EDEM3: variants seen among roughly 807,000 people sequenced by gnomAD.
EDEM3 encodes the protein ER degradation-enhancing alpha-mannosidase-like protein 3.
In EDEM3, 60 loss-of-function variants were observed where a neutral mutation model predicts 110.2. The observed-to-expected ratio is 0.54, with a 90% CI of 0.44 to 0.67. The LOEUF is 0.67. Among genes scored for constraint, EDEM3 ranks in the 30% least tolerant of loss-of-function variants. The pLI is 0.00. For missense variants in EDEM3, 996 were observed against 1,121.0 expected, an observed-to-expected ratio of 0.89 and a Z score of 1.59; for synonymous variants, 352 against 382.9, an observed-to-expected ratio of 0.92 and a Z score of 0.94.
chr1:184,731,562 G>A (rs1034008309), intron 6 of EDEM3, among the ~76,000 whole-genome samples: 1 of 152,070 alleles, frequency 6.6e-6, no homozygotes, highest in Non-Finnish European at 1.5e-5. Flanking sequence ...TTAAATCTCT[G>A]TGTACTTTAC....
chr1:184,711,853 C>T lies in EDEM3; in HGVS notation c.1561G>A (p.Asp521Asn). Residue 521 changes from aspartate to asparagine, a missense_variant, in exon 15 of 20, where the codon GAC becomes AAC. By Grantham distance (23) the Asp-to-Asn change is conservative. Around this residue, in one of 5 missense-constraint regions of EDEM3, gnomAD observed 138 missense variants for 124.3 expected, o/e 1.11. Transcript: ENST00000318130. The stretch of plus-strand genomic sequence containing the variant: ...GGACAAGTCCAATCGAAGTTACTGT[C>T]ATCCAGTTCTGTATATTCCGAGGTC... ...NTTSEYTELD[D>N]SNFDWTCPNT... 6.2e-7 allele frequency: 1 copy of T among 1,612,426 alleles called. No individual in the cohort carries two copies.
At chr1:184,721,566 C>A (rs2102090001) in intron 8 of EDEM3, among the ~76,000 whole-genome samples, 180 bp from the exon 9 acceptor site, 1 of 152,044 alleles carries the variant, frequency 6.6e-6, no homozygotes, top group East Asian at 1.9e-4. Flanking sequence ...CTAACTAGTT[C>A]ATAGTTTAAT....
chr1:184,754,706 A>G lies in EDEM3; in HGVS notation c.-60T>C. On this transcript the variant is annotated 5_prime_UTR_variant, in exon 1 of 20. Coordinates refer to ENST00000318130, the MANE Select transcript of EDEM3 (RefSeq NM_025191.4). ...CCCGGCCGGTGAGACACATTGCTGG[A>G]CGCTGGTGGCCAGGGGGCTGCTAGC... The G allele has an allele frequency of 3.4e-6, 5 of 1,468,666 alleles. No individual in the cohort carries two copies. Among genetic ancestry groups the G allele is most frequent in the Non-Finnish European group, 4.5e-6 (5 of 1,113,902 alleles). 91.0% of individuals were successfully genotyped at this position (1,468,666 alleles called of 1,614,324 possible). A position where few individuals can be genotyped will look rare whatever the true frequency, so the allele number is the denominator to read the frequency against.
intron 5 of EDEM3, among the ~76,000 whole-genome samples, chr1:184,733,827 CAAA>C (rs541170337): frequency 4.2e-5 from 4 of 96,364 alleles, no homozygotes; most frequent in Admixed American, 1.1e-4. Flanking sequence ...AGTCTGTCTC[CAAA>C]AAAAAAAAAA....
chr1:184,700,757 G>C (rs757299636), intron 19 of EDEM3, among the ~76,000 whole-genome samples: 2 of 151,972 alleles, frequency 1.3e-5, no homozygotes, highest in Non-Finnish European at 2.9e-5. Flanking sequence ...AGACTGTGTA[G>C]CTTCTTAGGA....
At chr1:184,754,458 G>C in intron 1 of EDEM3, 31 bp downstream of exon 1, 1 of 1,612,464 alleles carries the variant, frequency 6.2e-7, no homozygotes, top group Non-Finnish European at 8.5e-7. Context: ...GCCTCACCGA[G>C]AAACCCACCC....
intron 5 of EDEM3, 41 bp from the exon 6 acceptor site, chr1:184,733,031 C>T (rs770439197): frequency 6.4e-7 from 1 of 1,554,978 alleles, no homozygotes; most frequent in Non-Finnish European, 8.7e-7. Context: ...ATCTTATAGA[C>T]AATTAAAAGT....
intron 2 of EDEM3, among the ~76,000 whole-genome samples, chr1:184,739,986 C>T (rs1012896923): frequency 3.3e-5 from 5 of 152,036 alleles, no homozygotes; most frequent in Non-Finnish European, 7.4e-5. Flanking sequence ...TACATGGCCA[C>T]GAGCCAGGGC....
chr1:184,750,967 T>C (rs1169371435), intron 1 of EDEM3, among the ~76,000 whole-genome samples: 1 of 152,064 alleles, frequency 6.6e-6, no homozygotes, highest in Admixed American at 6.6e-5. Context: ...CTGGTAATAA[T>C]AGAGCTAGCA....
chr1:184,706,923 A>G (rs1392040168), intron 17 of EDEM3, 115 bp from the exon 18 acceptor site: 1 of 1,046,496 alleles, frequency 9.6e-7, no homozygotes, highest in Non-Finnish European at 1.4e-6. Flanking sequence ...TTCTAATGAT[A>G]ACGTATCTAA....
At chr1:184,742,212 T>G (rs899370634) in intron 2 of EDEM3, among the ~76,000 whole-genome samples, 5 of 152,198 alleles carry the variant, frequency 3.3e-5, no homozygotes, top group African/African-American at 1.2e-4. Context: ...AAGAATACTT[T>G]GCATTGAAGA....
chr1:184,731,292 C>T (rs944309681), intron 6 of EDEM3, among the ~76,000 whole-genome samples: 1 of 152,116 alleles, frequency 6.6e-6, no homozygotes, highest in Non-Finnish European at 1.5e-5. Context: ...ATAAAATTTT[C>T]TTAGGGGAAA....
At chr1:184,710,328 T>C in intron 16 of EDEM3, 66 bp downstream of exon 16, 1 of 1,528,738 alleles carries the variant, frequency 6.5e-7, no homozygotes, top group Non-Finnish European at 8.9e-7. Context: ...CATTATCTTA[T>C]TAAAGCTAAT....
chr1:184,736,603 A>T (rs1349738171), intron 4 of EDEM3, among the ~76,000 whole-genome samples: 2 of 152,172 alleles, frequency 1.3e-5, no homozygotes, highest in Non-Finnish European at 2.9e-5. Flanking sequence ...CTGATGCTAA[A>T]AATCACTGCT....
Position 184,700,880 on chromosome 1 carries a change from C to T in EDEM3, c.2389+1931G>A, listed in dbSNP as rs573358459. On this transcript the variant is annotated intron_variant, in intron 19 of 19. Transcript: ENST00000318130. The stretch of plus-strand genomic sequence containing the variant: ...CTTGTTGCTAATTAATATAGCTGTA[C>T]AGTTCTATAAAGAGCTATTACACAA... Among the ~76,000 whole-genome samples the T allele has an allele frequency of 3.9e-5, 6 of 151,988 alleles. 1 individual carries two copies. The East Asian group carries it at 9.7e-4, about 24-fold the overall frequency.
Position 184,741,057 on chromosome 1 carries a change from A to G in EDEM3, c.205-3346T>C, listed in dbSNP as rs150736275. On this transcript the variant is annotated intron_variant, in intron 2 of 19. Transcript: ENST00000318130. ...AAGTTATACAATGAGAAGGCAGCAA[A>G]GAAAGCACTGTTTAAACTACTCTTA... Among the ~76,000 whole-genome samples, 435 of 152,330 alleles carry G rather than the reference A, an allele frequency of 2.9e-3. 5 individuals carry two copies. The East Asian group carries it at 0.036, about 12-fold the overall frequency.
intron 2 of EDEM3, among the ~76,000 whole-genome samples, chr1:184,744,847 T>A (rs184764609): frequency 1.6e-3 from 238 of 152,182 alleles, no homozygotes; most frequent in Middle Eastern, 3.4e-3. Context: ...CTCAAAAGCA[T>A]CATGCTAAAT....
At chr1:184,731,625 C>A (rs1651523422) in intron 6 of EDEM3, among the ~76,000 whole-genome samples, 1 of 152,208 alleles carries the variant, frequency 6.6e-6, no homozygotes, top group African/African-American at 2.4e-5. Context: ...TGTGAGTTCT[C>A]TCTCTGTCCT....
At position 184,732,817 on chromosome 1, in the gene EDEM3, T is replaced by A. The variant is rs750006065; in HGVS notation, c.612+20A>T. ...AGCAAAGAAAGTATATAAAGACTCATATTTTTCAGAAGTACTTACTCTTGG... is the reference window on the plus strand; with the variant it reads ...AGCAAAGAAAGTATATAAAGACTCAAATTTTTCAGAAGTACTTACTCTTGG... On this transcript the variant is annotated intron_variant, in intron 6 of 19. Transcript: ENST00000318130. 4.4e-6 allele frequency: 7 copies of A among 1,606,846 alleles called. No individual in the cohort carries two copies. Among genetic ancestry groups the A allele is most frequent in the Middle Eastern group, 1.7e-4 (1 of 6,008 alleles).
Sources: gnomAD v4.1 joint callset for allele counts (sites outside exome capture counted in the v4.1 genomes callset) on GRCh38, gnomAD v4.1.1 for gene constraint, gnomAD v4.1.1 regional missense constraint, MANE v1.5 for transcripts, NCBI Gene and HGNC (gene_info 2026-07-23, HGNC 2026-07-21) for gene names.